The following SLCO5A1 variants were observed in gnomAD, a reference collection of about 807,000 sequenced individuals.
SLCO5A1 encodes the protein solute carrier organic anion transporter family member 5A1.
Under a neutral mutation model 65.1 loss-of-function variants are expected in SLCO5A1, and 39 were observed. The ratio of observed to expected loss-of-function variants is 0.60; its 90% CI spans 0.46 to 0.78. The LOEUF is 0.78. SLCO5A1 is among the 30% of genes least tolerant of loss of function. The probability of loss-of-function intolerance (pLI) is 0.00; values close to 1 mark genes in which losing one functional copy is unlikely to be tolerated. For synonymous variants in SLCO5A1, 438 were observed against 415.7 expected (o/e 1.05, Z -0.65); for missense variants, 1,029 against 1,069.4 (o/e 0.96, Z 0.53).
At chr8:69,738,654 C>G (rs976979777) in intron 4 of SLCO5A1, among the ~76,000 whole-genome samples, 9 of 152,194 alleles carry the variant, frequency 5.9e-5, no homozygotes, top group Non-Finnish European at 5.9e-5. Context: ...TATTCTGCTT[C>G]TGTGGGCATC....
chr8:69,807,849 A>G (rs753954923), intron 2 of SLCO5A1, among the ~76,000 whole-genome samples: 38 of 151,716 alleles, frequency 2.5e-4, no homozygotes, highest in Admixed American at 1.2e-3. Context: ...GACTACAGGC[A>G]CTCGCCACCA....
chr8:69,681,780 TCA>T (rs2130789014), intron 7 of SLCO5A1, among the ~76,000 whole-genome samples: 1 of 152,300 alleles, frequency 6.6e-6, no homozygotes, highest in East Asian at 1.9e-4. Flanking sequence ...TCACCCATCT[TCA>T]CAGACTCCAG....
intron 2 of SLCO5A1, among the ~76,000 whole-genome samples, chr8:69,793,507 T>C (rs967792462): frequency 1.2e-4 from 18 of 152,224 alleles, no homozygotes; most frequent in African/African-American, 2.4e-4. Context: ...CTCACGCCTG[T>C]TATCTCAACA....
At chr8:69,787,852 A>G (rs945199652) in intron 2 of SLCO5A1, among the ~76,000 whole-genome samples, 1 of 152,212 alleles carries the variant, frequency 6.6e-6, no homozygotes, top group East Asian at 1.9e-4. Context: ...AATCTCCCCA[A>G]CAACCTTGAG....
At position 69,682,236 on chromosome 8, in the gene SLCO5A1, T is replaced by G; in HGVS notation, c.1730A>C (p.Tyr577Ser). Reference sequence around the variant, plus strand: ...ACAGCCAGCCAGACAAGGGTTAAAGTATGTAATTCCATCTGATCCACAGAC... The same window carrying G: ...ACAGCCAGCCAGACAAGGGTTAAAGGATGTAATTCCATCTGATCCACAGAC... ...EPVCGSDGIT[Y>S]FNPCLAGCVN... is the part of the protein sequence containing the mutation. The change falls in exon 7 of 10, where the codon TAC becomes TCC. Residue 577 changes from tyrosine (Y) to serine (S), a missense_variant. By Grantham distance (144) the Tyr-to-Ser change is moderately radical (BLOSUM62 -2). Transcript: ENST00000260126. 1 of 1,613,192 alleles carries G rather than the reference T, an allele frequency of 6.2e-7. No homozygotes were observed. Among genetic ancestry groups the G allele is most frequent in the Non-Finnish European group, 8.5e-7 (1 of 1,179,670 alleles).
In SLCO5A1 at chr8:69,738,195, C is replaced by T. The variant is rs1159909770; in HGVS notation, c.1268G>A (p.Arg423Lys). 6.2e-7 allele frequency: 1 copy of T among 1,600,062 alleles called. No homozygotes were observed. Among genetic ancestry groups the T allele is most frequent in the Non-Finnish European group, 8.5e-7 (1 of 1,172,292 alleles). Residue 423 changes from arginine (R) to lysine (K), a missense_variant, in exon 5 of 10, where the codon AGA (arginine) becomes AAA (lysine). Physicochemically the swap from Arg to Lys is conservative, Grantham distance 26. Transcript: ENST00000260126. ...GTTGCTTAAGATCCTGACAGCTGCT[C>T]TTGGTAGGTCTACAAAATGACAAAA... ...GFGKDVRDLP[R>K]AAVRILSNMT... is the part of the protein sequence containing the mutation.
At chr8:69,754,156 G>T (rs759322603) in intron 4 of SLCO5A1, among the ~76,000 whole-genome samples, 1 of 152,066 alleles carries the variant, frequency 6.6e-6, no homozygotes, top group Non-Finnish European at 1.5e-5. Flanking sequence ...TGTTGGGCTG[G>T]TGCACATGGG....
rs1820989162 is a variant in SLCO5A1 at position 69,827,879 on chromosome 8, G to C, written c.907+3888C>G. Among the ~76,000 whole-genome samples, 4 of 152,132 alleles carry C rather than the reference G, an allele frequency of 2.6e-5. No individual in the cohort carries two copies. In the South Asian group the frequency reaches 8.3e-4, roughly 31 times the overall value. ...AATAATCTTATTTTGATCATGTTTTGATGACTTTAAGGCAATTCTACATTC... is the reference window on the plus strand; with the variant it reads ...AATAATCTTATTTTGATCATGTTTTCATGACTTTAAGGCAATTCTACATTC... On this transcript the variant is annotated intron_variant, in intron 2 of 9. Transcript: ENST00000260126.
intron 2 of SLCO5A1, among the ~76,000 whole-genome samples, chr8:69,808,071 A>T (rs1196330274): frequency 7.3e-6 from 1 of 137,174 alleles, no homozygotes; most frequent in Non-Finnish European, 1.5e-5. Context: ...CACATTTTAA[A>T]ATCCATTCAT....
intron 8 of SLCO5A1, 24 bp downstream of exon 8, chr8:69,679,354 C>T: frequency 6.2e-7 from 1 of 1,613,688 alleles, no homozygotes; most frequent in Non-Finnish European, 8.5e-7. Flanking sequence ...AGAACCCACC[C>T]CAGAAGTTGA....
At chr8:69,781,604 A>G (rs939819759) in intron 2 of SLCO5A1, among the ~76,000 whole-genome samples, 13 of 151,754 alleles carry the variant, frequency 8.6e-5, no homozygotes, top group African/African-American at 2.9e-4. Flanking sequence ...CTTCACTTCA[A>G]CCTTATGTAG....
Position 69,733,625 on chromosome 8 carries a change from C to A in SLCO5A1, c.1423+4415G>T, listed in dbSNP as rs139155818. ...GGTGCCAGGTGGGAGGTGATGTGAT[C>A]GTGGTGGTGGTTCCCCCATGCTAGT... On this transcript the variant is annotated intron_variant, in intron 5 of 9. Transcript: ENST00000260126. 2.3e-3 allele frequency among the ~76,000 whole-genome samples: 344 copies of A among 152,302 alleles called. 6 individuals carry two copies. The highest frequency in any genetic ancestry group is 0.019 in the Admixed American group (287 of 15,300).
intron 4 of SLCO5A1, among the ~76,000 whole-genome samples, chr8:69,749,709 T>C (rs536510861): frequency 1.3e-5 from 2 of 150,888 alleles, no homozygotes; most frequent in Non-Finnish European, 2.9e-5. Flanking sequence ...ACCTACTAGG[T>C]GGTGTAAACT....
At chr8:69,690,602 A>G (rs1209426669) in intron 6 of SLCO5A1, among the ~76,000 whole-genome samples, 2 of 152,236 alleles carry the variant, frequency 1.3e-5, no homozygotes, top group Non-Finnish European at 2.9e-5. Context: ...GAGGAAGCTG[A>G]GTTGTGCATG....
At chr8:69,678,994 G>C (rs752872822) in intron 8 of SLCO5A1, among the ~76,000 whole-genome samples, 6 of 152,156 alleles carry the variant, frequency 3.9e-5, no homozygotes, top group African/African-American at 1.4e-4. Flanking sequence ...GCACGATTTA[G>C]CAACTTTCTC....
intron 6 of SLCO5A1, among the ~76,000 whole-genome samples, chr8:69,697,508 T>C (rs921146351): frequency 8.6e-5 from 13 of 151,978 alleles, no homozygotes; most frequent in African/African-American, 3.1e-4. Flanking sequence ...TTTCAGATAA[T>C]GTTAAGTGCC....
chr8:69,832,101 C>T lies in SLCO5A1; in HGVS notation c.573G>A (p.Arg191=), dbSNP rs1269066589. The T allele has an allele frequency of 1.9e-6, 3 of 1,613,948 alleles. No homozygotes were observed. Among genetic ancestry groups the T allele is most frequent in the African/African-American group, 1.3e-5 (1 of 74,920 alleles). ...CGGCCAGCCACAGGGGCCGCCGACC[C>T]CGGCCGCCGAAGTAGCTGACGAACA... ...VVVFVSYFGG[R]GRRPLWLAVG... Residue 191 remains arginine, a synonymous_variant, in exon 2 of 10, where the codon CGG becomes CGA. Transcript: ENST00000260126. The surrounding 1 kb of genome is among the most constrained non-coding windows in gnomAD (Gnocchi z 4.5).
intron 5 of SLCO5A1, among the ~76,000 whole-genome samples, chr8:69,708,464 G>A (rs1016391150): frequency 6.6e-6 from 1 of 152,154 alleles, no homozygotes; most frequent in Non-Finnish European, 1.5e-5. Flanking sequence ...GGGAAGCTGA[G>A]GCAGGAGAAT....
At chr8:69,790,191 CAAAA>C (rs374635955) in intron 2 of SLCO5A1, among the ~76,000 whole-genome samples, 15 of 53,720 alleles carry the variant, frequency 2.8e-4, no homozygotes, top group African/African-American at 8.3e-4. Flanking sequence ...GACTCCTTCT[CAAAA>C]AAAAAAAAAA....
Sources: gnomAD v4.1 joint callset for allele counts (sites outside exome capture counted in the v4.1 genomes callset) on GRCh38, gnomAD v4.1.1 for gene constraint, Gnocchi (gnomAD v3.1) non-coding constraint, MANE v1.5 for transcripts, NCBI Gene and HGNC (gene_info 2026-07-23, HGNC 2026-07-21) for gene names.